TMEM185A: variants seen among roughly 807,000 people sequenced by gnomAD.
TMEM185A encodes the protein family with sequence similarity 11, member A.
A neutral mutation model predicts 25.0 loss-of-function variants in TMEM185A; 9 were observed. That is an observed-to-expected ratio of 0.36 (90% CI 0.22 to 0.63). The LOEUF (loss-of-function observed/expected upper bound fraction) is 0.63, where lower values mean the gene tolerates loss of function less well. TMEM185A is among the 20% of genes least tolerant of loss of function. TMEM185A has a pLI of 0.68. For synonymous variants in TMEM185A, 45 were observed against 93.5 expected (o/e 0.48, Z 2.99); for missense variants, 103 against 237.4 (o/e 0.43, Z 3.72).
chrX:149,612,750 T>C (rs1236725960), intron 1 of TMEM185A, among the ~76,000 whole-genome samples: 1 of 112,142 alleles, frequency 8.9e-6, no homozygotes, highest in African/African-American at 3.2e-5. Flanking sequence ...TGGCAGAATC[T>C]ACTTCTAAGC....
intron 3 of TMEM185A, among the ~76,000 whole-genome samples, chrX:149,604,932 CTTCT>C (rs1274945699): frequency 9.0e-6 from 1 of 111,605 alleles, no homozygotes; most frequent in Non-Finnish European, 1.9e-5. Context: ...CTGGTAATTC[CTTCT>C]GTCTCCTTTT....
At chrX:149,610,294 G>A (rs1195212679) in intron 2 of TMEM185A, among the ~76,000 whole-genome samples, 1 of 107,391 alleles carries the variant, frequency 9.3e-6, no homozygotes, top group Non-Finnish European at 1.9e-5. Context: ...TGGGCATGGT[G>A]GCAGGTGCCT....
intron 1 of TMEM185A, among the ~76,000 whole-genome samples, chrX:149,613,045 T>A (rs1557354680): frequency 8.9e-6 from 1 of 111,919 alleles, no homozygotes; most frequent in African/African-American, 3.2e-5. Flanking sequence ...TCCACCTGGT[T>A]AAGCCAGGCT....
intron 3 of TMEM185A, among the ~76,000 whole-genome samples, chrX:149,607,137 G>A (rs782065019): frequency 9.0e-6 from 1 of 111,663 alleles, no homozygotes; most frequent in African/African-American, 3.3e-5. Context: ...TTCTCCCTGA[G>A]TCCCACAGGG....
chrX:149,599,457 G>A (rs1410034446), intron 6 of TMEM185A, 97 bp downstream of exon 6: 211 of 733,435 alleles, frequency 2.9e-4, no homozygotes, highest in Non-Finnish European at 3.9e-4. Flanking sequence ...TGGGGCCCTC[G>A]GGGACTCATC....
intron 1 of TMEM185A, among the ~76,000 whole-genome samples, chrX:149,626,724 G>C (rs987667338): frequency 8.9e-5 from 10 of 112,418 alleles, no homozygotes; most frequent in African/African-American, 3.2e-4. Flanking sequence ...TCTTAGCGAG[G>C]GGAGTGTAGC....
rs373232331 is a variant in TMEM185A, at chrX:149,602,867, G to A, written c.507+1120C>T. Among the ~76,000 whole-genome samples, 12 of 112,293 alleles carry A rather than the reference G, an allele frequency of 1.1e-4. No homozygotes were observed. In the South Asian group the frequency reaches 3.7e-3, roughly 34 times the overall value. ...AATGTTTTATCAAAGACTTTGGGCAGAAGTGATTATTCCCATCTTTAAATA... is the reference window on the plus strand; with the variant it reads ...AATGTTTTATCAAAGACTTTGGGCAAAAGTGATTATTCCCATCTTTAAATA... On this transcript the variant is annotated intron_variant, in intron 4 of 6. Transcript: ENST00000600449.
At chrX:149,619,490 CT>C (rs782400155) in intron 1 of TMEM185A, among the ~76,000 whole-genome samples, 5 of 108,489 alleles carry the variant, frequency 4.6e-5, no homozygotes, top group Admixed American at 9.8e-5. Context: ...GTATTTTTGT[CT>C]TTTTTTTTCT....
intron 2 of TMEM185A, 112 bp downstream of exon 2, chrX:149,611,175 A>C: frequency 1.4e-6 from 1 of 727,735 alleles, no homozygotes; most frequent in Non-Finnish European, 2.0e-6. Flanking sequence ...CTATAGTTCT[A>C]AGACCCCAGA....
rs782475834 is a variant in TMEM185A, at chrX:149,624,865, C to T, written c.38+6678G>A. Among the ~76,000 whole-genome samples the T allele has an allele frequency of 4.9e-4, 55 of 112,107 alleles. 1 individual carries two copies. Among genetic ancestry groups the T allele is most frequent in the Middle Eastern group, 9.3e-3 (2 of 215 alleles). On this transcript the variant is annotated intron_variant, in intron 1 of 6. Coordinates refer to ENST00000600449, the MANE Select transcript of TMEM185A (RefSeq NM_032508.4). ...AACTGCCATTCATCAGCGGTGTGGT[C>T]TTGGGTGAGTTATTTTCCCCCAGGT...
intron 2 of TMEM185A, 93 bp from the exon 3 acceptor site, chrX:149,608,927 T>C (rs1011643422): frequency 1.4e-4 from 109 of 803,987 alleles, no homozygotes; most frequent in Non-Finnish European, 1.8e-4. Flanking sequence ...TATTTATACT[T>C]TGAATTTTAC....
At chrX:149,602,925 C>G (rs1260477919) in intron 4 of TMEM185A, among the ~76,000 whole-genome samples, 2 of 112,302 alleles carry the variant, frequency 1.8e-5, no homozygotes, top group Non-Finnish European at 3.8e-5. Flanking sequence ...CATTTCTTCT[C>G]TGCTCCCAAT....
intron 4 of TMEM185A, among the ~76,000 whole-genome samples, chrX:149,603,110 T>A (rs1557352691): frequency 8.9e-6 from 1 of 111,790 alleles, no homozygotes; most frequent in Non-Finnish European, 1.9e-5. Context: ...CTTTTTTCCA[T>A]GCATTTAATA....
At chrX:149,602,241 T>G (rs1557352449) in intron 4 of TMEM185A, 1 of 111,799 alleles carries the variant, frequency 8.9e-6, no homozygotes, top group Non-Finnish European at 1.9e-5. Context: ...CATTTTAATT[T>G]TGAGGAAGTC....
Position 149,604,348 on chromosome X carries a change from G to A in TMEM185A, c.424-278C>T, listed in dbSNP as rs1364767491. 2.7e-5 allele frequency among the ~76,000 whole-genome samples: 3 copies of A among 112,019 alleles called. No individual in the cohort carries two copies. The East Asian group carries it at 8.5e-4, about 32-fold the overall frequency. On this transcript the variant is annotated intron_variant, in intron 3 of 6. Transcript: ENST00000600449. ...TGAGAACCTTGTTTCCAGGTTCACTGGGAACACAGGCTAGCTGCAATAGAC... is the reference window on the plus strand; with the variant it reads ...TGAGAACCTTGTTTCCAGGTTCACTAGGAACACAGGCTAGCTGCAATAGAC...
At chrX:149,631,445 TGCA>T in intron 1 of TMEM185A, 95 bp downstream of exon 1, 2 of 1,005,842 alleles carry the variant, frequency 2.0e-6, no homozygotes, top group Non-Finnish European at 2.6e-6. Context: ...GTCCTCGGGC[TGCA>T]GCATCTCGCC....
intron 1 of TMEM185A, among the ~76,000 whole-genome samples, chrX:149,616,400 C>T (rs909859904): frequency 2.7e-5 from 3 of 111,880 alleles, no homozygotes; most frequent in Admixed American, 1.9e-4. Context: ...AGGACCTACT[C>T]CTTCTGGAGA....
chrX:149,626,024 T>C (rs943311302), intron 1 of TMEM185A, among the ~76,000 whole-genome samples: 9 of 112,168 alleles, frequency 8.0e-5, no homozygotes, highest in African/African-American at 2.6e-4. Context: ...GAGACTGACG[T>C]GGATTCGAAT....
At chrX:149,619,554 A>G (rs1357870108) in intron 1 of TMEM185A, among the ~76,000 whole-genome samples, 1 of 108,505 alleles carries the variant, frequency 9.2e-6, no homozygotes, top group Non-Finnish European at 1.9e-5. Context: ...CACAATGTGC[A>G]GGTTAGTTAC....
Sources: allele counts gnomAD v4.1 joint callset (sites outside exome capture counted in the v4.1 genomes callset), GRCh38; gene constraint gnomAD v4.1.1; transcripts MANE v1.5; gene names NCBI Gene and HGNC (gene_info 2026-07-23, HGNC 2026-07-21).